Variants in ITGA7 observed in about 807,000 individuals in gnomAD.
ITGA7 encodes the protein integrin alpha-7.
Under a neutral mutation model 131.6 loss-of-function variants are expected in ITGA7, and 84 were observed. The observed-to-expected ratio is 0.64, with a 90% CI of 0.54 to 0.77. ITGA7 has a LOEUF of 0.77. Ranked by LOEUF, ITGA7 falls within the 30% of genes least tolerant of loss-of-function variation. The pLI, the probability that ITGA7 is intolerant of heterozygous loss-of-function variation, is 0.00. For synonymous variants in ITGA7, 548 were observed against 600.7 expected (o/e 0.91, Z 1.28); for missense variants, 1,399 against 1,482.9 (o/e 0.94, Z 0.93).
In ITGA7 at chr12:55,694,099, G is replaced by T; in HGVS notation, c.2457C>A (p.Phe819Leu). 1.2e-6 allele frequency: 2 copies of T among 1,614,236 alleles called. No individual in the cohort carries two copies. The highest frequency in any genetic ancestry group is 1.7e-6 in the Non-Finnish European group (2 of 1,180,038). Residue 819 changes from phenylalanine (F) to leucine (L), a missense_variant, in exon 19 of 25, where the codon TTC (phenylalanine) becomes TTA (leucine). Coordinates refer to ENST00000257879, the MANE Select transcript of ITGA7 (RefSeq NM_002206.3). This position sits in a 1 kb window ranked among gnomAD's most constrained non-coding sequence, Gnocchi z 5.3. The part of the protein sequence containing the change: ...IAGMAIPQQL[F>L]FSGVVRGERA... Reference sequence around the variant, plus strand: ...TCTCGCCCCTCACCACACCAGAGAAGAAGAGTTGCTGGGGAATGGCCATTC... The same window carrying T: ...TCTCGCCCCTCACCACACCAGAGAATAAGAGTTGCTGGGGAATGGCCATTC...
chr12:55,701,500 G>A (rs991977597), intron 3 of ITGA7: 5 of 1,375,146 alleles, frequency 3.6e-6, no homozygotes, highest in Non-Finnish European at 5.1e-6. Flanking sequence ...AAAATGCCAA[G>A]CTTGGCCCTG....
chr12:55,696,240 C>T, intron 13 of ITGA7, 43 bp downstream of exon 13: 1 of 1,543,274 alleles, frequency 6.5e-7, no homozygotes, highest in Non-Finnish European at 8.7e-7. Flanking sequence ...GATCTTTGCC[C>T]TCCCAGCTCC....
chr12:55,685,359 G>T (rs995330463), intron 24 of ITGA7, 71 bp from the exon 25 acceptor site: 34 of 1,359,124 alleles, frequency 2.5e-5, no homozygotes, highest in Non-Finnish European at 3.0e-5. Context: ...GCCTAGCGCG[G>T]CACAGCTCCT....
At chr12:55,687,950 A>G (rs1248519305) in intron 24 of ITGA7, 21 bp downstream of exon 24, 2 of 1,613,998 alleles carry the variant, frequency 1.2e-6, no homozygotes, top group South Asian at 2.2e-5. Flanking sequence ...CACCCCCATC[A>G]GCCCCACCTC....
At chr12:55,688,118 G>A (rs1410646543) in intron 23 of ITGA7, 22 bp from the exon 24 acceptor site, 1 of 1,614,152 alleles carries the variant, frequency 6.2e-7, no homozygotes, top group South Asian at 1.1e-5. Context: ...GGGGTCAATG[G>A]AGCAAGAGGT....
In ITGA7 at chr12:55,696,401, A is replaced by G. The variant is rs1168961707; in HGVS notation, c.1769T>C (p.Val590Ala). 1.9e-6 allele frequency: 3 copies of G among 1,601,342 alleles called. No individual in the cohort carries two copies. Among genetic ancestry groups the G allele is most frequent in the Admixed American group, 3.4e-5 (2 of 58,696 alleles). Reference protein sequence around the residue: ...ENVKDKLRAIVVTLSYSLQTP... With the variant: ...ENVKDKLRAIAVTLSYSLQTP... ...CTGGAGACTGTAGGACAAGGTCACT[A>G]CAATGGCCCGAAGCTTGTCTTTGAC... The change falls in exon 13 of 25, where the codon GTA becomes GCA. Residue 590 changes from valine to alanine, a missense_variant. Coordinates refer to ENST00000257879, the MANE Select transcript of ITGA7 (RefSeq NM_002206.3).
Position 55,687,981 on chromosome 12 carries a change from A to G in ITGA7, c.3173T>C (p.Leu1058Pro). 1 of 1,614,148 alleles carries G rather than the reference A, an allele frequency of 6.2e-7. No homozygotes were observed. Among genetic ancestry groups the G allele is most frequent in the East Asian group, 2.2e-5 (1 of 44,876 alleles). The change falls in exon 24 of 25, where the codon CTC becomes CCC. Residue 1058 changes from leucine to proline, a missense_variant. Leu to Pro is a moderately conservative substitution (Grantham distance 98). Coordinates refer to ENST00000257879, the MANE Select transcript of ITGA7 (RefSeq NM_002206.3). Reference sequence around the variant, plus strand: ...ACCTCCAAGCCTCACCTTCCACAGGAGCAGCACCAGCAGTGCTAGCACCAG... The same window carrying G: ...ACCTCCAAGCCTCACCTTCCACAGGGGCAGCACCAGCAGTGCTAGCACCAG... ...GLLVLALLVL[L>P]LWKMGFFKRA...
Position 55,696,291 on chromosome 12 carries a change from G to T in ITGA7, c.1879C>A (p.Arg627=). Residue 627 remains arginine, a synonymous_variant, in exon 13 of 25, where the codon CGG becomes AGG. Coordinates refer to ENST00000257879, the MANE Select transcript of ITGA7 (RefSeq NM_002206.3). The stretch of plus-strand genomic sequence containing the variant: ...CCAGAACCCATGCTCACCTCTGCCC[G>T]CTGGGTGCTGGGCTGGTGGGCATTG... The part of the protein sequence containing the change: ...ILNAHQPSTQ[R]AEIHFLKQGC... 1.3e-6 allele frequency: 2 copies of T among 1,572,418 alleles called. No homozygotes were observed. The highest frequency in any genetic ancestry group is 1.7e-6 in the Non-Finnish European group (2 of 1,158,504).
chr12:55,701,264 T>C, intron 3 of ITGA7, 110 bp from the exon 4 acceptor site: 1 of 1,556,960 alleles, frequency 6.4e-7, no homozygotes, highest in Non-Finnish European at 8.9e-7. Flanking sequence ...TGTGCTCACA[T>C]GCACATGCAC....
At chr12:55,702,844 G>A (rs779142885) in intron 3 of ITGA7, 28 bp downstream of exon 3, 1 of 1,570,614 alleles carries the variant, frequency 6.4e-7, no homozygotes. Context: ...CCCCATCCGT[G>A]CATTCAGTCA....
chr12:55,702,974 T>A, intron 2 of ITGA7, 23 bp from the exon 3 acceptor site: 1 of 1,613,362 alleles, frequency 6.2e-7, no homozygotes, highest in Non-Finnish European at 8.5e-7. Context: ...CACTGGGAAT[T>A]AGGGGAGGGA....
At position 55,694,151 on chromosome 12, in the gene ITGA7, G is replaced by A. The variant is rs756762960; in HGVS notation, c.2433-28C>T. On this transcript the variant is annotated intron_variant, in intron 18 of 24. Transcript: ENST00000257879. This position sits in a 1 kb window ranked among gnomAD's most constrained non-coding sequence, Gnocchi z 5.3. ...GGCGTGGAGAGGTCAGAACAGGGGTGAGAAGGTCTGGGGCCTGGCTCAATG... is the reference window on the plus strand; with the variant it reads ...GGCGTGGAGAGGTCAGAACAGGGGTAAGAAGGTCTGGGGCCTGGCTCAATG... 8.1e-6 allele frequency: 13 copies of A among 1,611,722 alleles called. No individual in the cohort carries two copies. The South Asian group carries it at 1.4e-4, about 18-fold the overall frequency.
At chr12:55,695,342 C>A in intron 14 of ITGA7, 180 bp downstream of exon 14, 1 of 609,904 alleles carries the variant, frequency 1.6e-6, no homozygotes, top group South Asian at 1.9e-5. Flanking sequence ...GCCATGGGAG[C>A]CCCCGTGGCC....
At chr12:55,692,660 G>C (rs978061383) in intron 21 of ITGA7, among the ~76,000 whole-genome samples, 184 bp downstream of exon 21, 1 of 152,204 alleles carries the variant, frequency 6.6e-6, no homozygotes, top group East Asian at 1.9e-4. Flanking sequence ...GTGAGCAATT[G>C]CAGGGGCTGA....
At chr12:55,702,483 T>C (rs1362572370) in intron 3 of ITGA7, among the ~76,000 whole-genome samples, 1 of 152,004 alleles carries the variant, frequency 6.6e-6, no homozygotes, top group Admixed American at 6.5e-5. Flanking sequence ...CGGCTAATTT[T>C]TTTGTATTTT....
chr12:55,688,892 C>T lies in ITGA7; in HGVS notation c.2910G>A (p.Ala970=), dbSNP rs747407695. Reference sequence around the variant, plus strand: ...GACGGCCCCAGACATGCAGCACAGCCGCGCGGTCAAAGCTGTAGAGTGGGC... The same window carrying T: ...GACGGCCCCAGACATGCAGCACAGCTGCGCGGTCAAAGCTGTAGAGTGGGC... ...FSCPLYSFDR[A]AVLHVWGRLW... The change falls in exon 22 of 25, where the codon GCG becomes GCA. Residue 970 remains alanine (A), a synonymous_variant. Coordinates refer to ENST00000257879, the MANE Select transcript of ITGA7 (RefSeq NM_002206.3). The T allele has an allele frequency of 2.2e-5, 35 of 1,613,892 alleles. No homozygotes were observed. The South Asian group carries it at 2.3e-4, about 11-fold the overall frequency.
chr12:55,706,839 G>T (rs1046687181), intron 1 of ITGA7, among the ~76,000 whole-genome samples: 3 of 152,104 alleles, frequency 2.0e-5, no homozygotes, highest in African/African-American at 7.2e-5. Flanking sequence ...TACTACTACT[G>T]CTACTAGTAC....
In ITGA7 at chr12:55,696,282, C is replaced by A; in HGVS notation, c.1887+1G>T. 2 of 1,566,900 alleles carry A rather than the reference C, an allele frequency of 1.3e-6. No individual in the cohort carries two copies. Among genetic ancestry groups the A allele is most frequent in the Non-Finnish European group, 8.7e-7 (1 of 1,155,868 alleles). On this transcript the variant is annotated splice_donor_variant, in intron 13 of 24. Transcript: ENST00000257879. LOFTEE classifies it high-confidence loss of function. The stretch of plus-strand genomic sequence containing the variant: ...TGGGCTAAACCAGAACCCATGCTCA[C>A]CTCTGCCCGCTGGGTGCTGGGCTGG...
chr12:55,687,902 A>G, intron 24 of ITGA7, 69 bp downstream of exon 24: 1 of 1,607,306 alleles, frequency 6.2e-7, no homozygotes, highest in Non-Finnish European at 8.5e-7. Flanking sequence ...GGGTGACAGA[A>G]CCACAATACA....
Sources: allele counts gnomAD v4.1 joint callset (sites outside exome capture counted in the v4.1 genomes callset), GRCh38; gene constraint gnomAD v4.1.1; non-coding constraint Gnocchi (gnomAD v3.1); transcripts MANE v1.5; gene names NCBI Gene and HGNC (gene_info 2026-07-23, HGNC 2026-07-21).